The following MTREX variants were observed in gnomAD, a reference collection of about 807,000 sequenced individuals.
MTREX encodes exosome RNA helicase MTR4.
In MTREX, 76 loss-of-function variants were observed where a neutral mutation model predicts 135.4. The observed-to-expected ratio is 0.56, with a 90% CI of 0.47 to 0.68. The LOEUF (loss-of-function observed/expected upper bound fraction) is 0.68. Among genes scored for constraint, MTREX ranks in the 30% least tolerant of loss-of-function variants. The pLI, the probability that MTREX is intolerant of heterozygous loss-of-function variation, is 0.00. For synonymous variants in MTREX, 404 were observed against 401.6 expected (o/e 1.01, Z -0.07); for missense variants, 920 against 1,262.1 (o/e 0.73, Z 4.11).
intron 1 of MTREX, among the ~76,000 whole-genome samples, chr5:55,308,602 A>G (rs947546941): frequency 2.0e-5 from 3 of 152,198 alleles, no homozygotes; most frequent in Non-Finnish European, 4.4e-5. Context: ...CTTCCGTAAA[A>G]TGGAGATAAT....
intron 19 of MTREX, among the ~76,000 whole-genome samples, chr5:55,392,992 C>G (rs766089435): frequency 1.3e-5 from 2 of 152,084 alleles, no homozygotes; most frequent in Admixed American, 1.3e-4. Context: ...TGGAGTCTTC[C>G]GGGGAACCAC....
chr5:55,341,530 A>C (rs989518530), intron 6 of MTREX, 151 bp from the exon 7 acceptor site: 2 of 504,676 alleles, frequency 4.0e-6, no homozygotes, highest in Non-Finnish European at 7.0e-6. Context: ...ATATTTGTTA[A>C]ATAGTAAGTT....
chr5:55,413,839 C>T (rs1038366316), intron 23 of MTREX, among the ~76,000 whole-genome samples: 2 of 152,170 alleles, frequency 1.3e-5, no homozygotes, highest in African/African-American at 4.8e-5. Flanking sequence ...TATGATAAAA[C>T]CCTTTAATGT....
At chr5:55,412,450 C>T (rs1750897776) in intron 23 of MTREX, among the ~76,000 whole-genome samples, 2 of 152,150 alleles carry the variant, frequency 1.3e-5, no homozygotes, top group Admixed American at 6.5e-5. Context: ...ACCAGAGATG[C>T]AGCAGAAATG....
intron 15 of MTREX, among the ~76,000 whole-genome samples, chr5:55,361,912 G>GTTTGTTTGTTTGTT (rs57156858): frequency 0.1 from 15,178 of 150,292 alleles, 877 homozygotes; most frequent in East Asian, 0.23. Context: ...TTGTTTGTTT[G>GTTTGTTTGTTTGTT]TTTGTTTTTG....
chr5:55,319,405 GTGT>G (rs1459292006), intron 1 of MTREX, among the ~76,000 whole-genome samples: 3 of 152,104 alleles, frequency 2.0e-5, no homozygotes, highest in Non-Finnish European at 4.4e-5. Flanking sequence ...GTGTTGCTAG[GTGT>G]TGCCAAATTC....
chr5:55,393,845 C>CGA (rs1750606092), intron 19 of MTREX, among the ~76,000 whole-genome samples: 2 of 152,174 alleles, frequency 1.3e-5, no homozygotes, highest in Non-Finnish European at 2.9e-5. Context: ...TTTATAATTT[C>CGA]ATGACAACTA....
rs1450750395 is a variant in MTREX at position 55,330,560 on chromosome 5, C to G, written c.515+1749C>G. 2.0e-5 allele frequency among the ~76,000 whole-genome samples: 3 copies of G among 150,460 alleles called. No homozygotes were observed. The Admixed American group carries it at 2.1e-4, about 11-fold the overall frequency. ...ACGTTAAATGTCCTTGTTACTACTTCGTTTATCTGATTACTTCCTGGTCTC... is the reference window on the plus strand; with the variant it reads ...ACGTTAAATGTCCTTGTTACTACTTGGTTTATCTGATTACTTCCTGGTCTC... On this transcript the variant is annotated intron_variant, in intron 5 of 26. Coordinates refer to ENST00000230640, the MANE Select transcript of MTREX (RefSeq NM_015360.5).
intron 16 of MTREX, among the ~76,000 whole-genome samples, chr5:55,377,452 G>A (rs1466087293): frequency 6.6e-6 from 1 of 152,134 alleles, no homozygotes; most frequent in African/African-American, 2.4e-5. Flanking sequence ...TATACCAAAT[G>A]CCTAAAAATA....
At chr5:55,308,472 T>G (rs575447318) in intron 1 of MTREX, among the ~76,000 whole-genome samples, 1 of 152,166 alleles carries the variant, frequency 6.6e-6, no homozygotes, top group South Asian at 2.1e-4. Context: ...AAACGAATGA[T>G]TAGTTGAGTA....
Position 55,424,833 on chromosome 5 carries a change from A to G in MTREX, c.*61A>G. ...ACCACCTGTTTGATTACAGTTGACTACAAATGCCTGCAAGTGTGGATTTGG... is the reference window on the plus strand; with the variant it reads ...ACCACCTGTTTGATTACAGTTGACTGCAAATGCCTGCAAGTGTGGATTTGG... On this transcript the variant is annotated 3_prime_UTR_variant, in exon 27 of 27. Coordinates refer to ENST00000230640, the MANE Select transcript of MTREX (RefSeq NM_015360.5). The G allele has an allele frequency of 8.4e-7, 1 of 1,192,958 alleles. No homozygotes were observed. The allele number at this position is 1,192,958 out of a possible 1,614,324, so 73.9% of individuals were successfully genotyped here. A position where few individuals can be genotyped will look rare whatever the true frequency, so the allele number is the denominator to read the frequency against.
intron 25 of MTREX, among the ~76,000 whole-genome samples, chr5:55,418,311 T>A (rs573801133): frequency 3.6e-4 from 54 of 151,482 alleles, no homozygotes; most frequent in Middle Eastern, 3.4e-3. Context: ...TATTTTTTTT[T>A]AAATCTAGGA....
intron 25 of MTREX, among the ~76,000 whole-genome samples, chr5:55,418,127 G>A (rs13181213): frequency 0.054 from 8,185 of 150,706 alleles, 386 homozygotes; most frequent in Admixed American, 0.11. Context: ...CCAGCTACTC[G>A]GGAGGCTGAG....
chr5:55,341,847 A>T (rs1159632133), intron 7 of MTREX, 76 bp downstream of exon 7: 1 of 720,314 alleles, frequency 1.4e-6, no homozygotes, highest in Non-Finnish European at 2.3e-6. Flanking sequence ...AGTTATTGTT[A>T]AACTTTGCTT....
At chr5:55,390,476 G>A (rs1459385772) in intron 19 of MTREX, among the ~76,000 whole-genome samples, 1 of 152,180 alleles carries the variant, frequency 6.6e-6, no homozygotes, top group African/African-American at 2.4e-5. Context: ...AAAAGGCTTA[G>A]AGTGTGTGTG....
At chr5:55,341,255 GCAAA>G (rs1455307003) in intron 6 of MTREX, among the ~76,000 whole-genome samples, 1 of 152,188 alleles carries the variant, frequency 6.6e-6, no homozygotes, top group Non-Finnish European at 1.5e-5. Context: ...GAAAAAATGG[GCAAA>G]CAGTCAGGGA....
At chr5:55,410,464 A>G in intron 22 of MTREX, 60 bp from the exon 23 acceptor site, 1 of 883,732 alleles carries the variant, frequency 1.1e-6, no homozygotes. Context: ...TTAAGGGCAT[A>G]TGTGTGTGCA....
At chr5:55,412,228 A>G (rs535092185) in intron 23 of MTREX, among the ~76,000 whole-genome samples, 2 of 152,212 alleles carry the variant, frequency 1.3e-5, no homozygotes, top group African/African-American at 2.4e-5. Context: ...GCCAAAAAGA[A>G]CATTGTCTTC....
chr5:55,416,829 AAATG>A (rs1452444123), intron 25 of MTREX, among the ~76,000 whole-genome samples: 1 of 152,206 alleles, frequency 6.6e-6, no homozygotes, highest in African/African-American at 2.4e-5. Flanking sequence ...AAATGAAAAT[AAATG>A]AGTTTGTTCT....
Sources: gnomAD v4.1 joint callset for allele counts (sites outside exome capture counted in the v4.1 genomes callset) on GRCh38, gnomAD v4.1.1 for gene constraint, MANE v1.5 for transcripts, NCBI Gene and HGNC (gene_info 2026-07-23, HGNC 2026-07-21) for gene names.